The following PIK3C2G variants were observed in gnomAD, a reference collection of about 807,000 sequenced individuals.
PIK3C2G encodes the protein phosphatidylinositol 3-kinase C2 domain-containing subunit gamma.
In PIK3C2G, 168 loss-of-function variants were observed where a neutral mutation model predicts 181.1. The observed-to-expected ratio is 0.93, with a 90% CI of 0.82 to 1.05. The LOEUF (loss-of-function observed/expected upper bound fraction) is 1.05, where lower values mean the gene tolerates loss of function less well. PIK3C2G is among the 50% of genes least tolerant of loss of function. The probability of loss-of-function intolerance (pLI) is 0.00; values close to 1 mark genes in which losing one functional copy is unlikely to be tolerated. For missense variants in PIK3C2G, 1,869 were observed against 1,732.8 expected (o/e 1.08, Z -1.40); for synonymous variants, 573 against 592.2 (o/e 0.97, Z 0.47).
the PIK3C2G span, among the ~76,000 whole-genome samples, chr12:18,670,389 C>T: frequency 6.6e-6 from 1 of 152,034 alleles, no homozygotes; most frequent in African/African-American, 2.4e-5. Context: ...AGAGCTAGAA[C>T]ATAGATATTG....
At chr12:18,581,977 T>C (rs78427583) in intron 29 of PIK3C2G, among the ~76,000 whole-genome samples, 1 of 152,116 alleles carries the variant, frequency 6.6e-6, no homozygotes, top group Admixed American at 6.6e-5. Flanking sequence ...GAGAAAAGCA[T>C]ATTTCAAAGA....
the PIK3C2G span, among the ~76,000 whole-genome samples, chr12:18,698,656 G>A: frequency 6.6e-6 from 1 of 151,728 alleles, no homozygotes; most frequent in Non-Finnish European, 1.5e-5. Context: ...ATTTTTGTGG[G>A]TACATAGATA....
intron 7 of PIK3C2G, among the ~76,000 whole-genome samples, chr12:18,321,331 A>G (rs750158416): frequency 6.6e-6 from 1 of 152,180 alleles, no homozygotes; most frequent in African/African-American, 2.4e-5. Context: ...TTGGGTTTGC[A>G]TATGTCACTT....
At position 18,281,994 on chromosome 12, in the gene PIK3C2G, C is replaced by T. The variant is rs1278446288; in HGVS notation, c.-78-10C>T. 8 of 759,914 alleles carry T rather than the reference C, an allele frequency of 1.1e-5. No homozygotes were observed. The highest frequency in any genetic ancestry group is 1.7e-5 in the Non-Finnish European group (8 of 471,010). 47.1% of individuals were successfully genotyped at this position (759,914 alleles called of 1,614,324 possible). ...TCAATATATTTTCTTTCATTTTATGCTTTTTCTAGGAAAATTTCTATCTTC... is the reference window on the plus strand; with the variant it reads ...TCAATATATTTTCTTTCATTTTATGTTTTTTCTAGGAAAATTTCTATCTTC... On this transcript the variant is annotated splice_polypyrimidine_tract_variant and intron_variant, in intron 1 of 32. Coordinates refer to ENST00000538779, the MANE Select transcript of PIK3C2G (RefSeq NM_001288772.2).
At chr12:18,490,221 G>C (rs562975271) in intron 19 of PIK3C2G, among the ~76,000 whole-genome samples, 12 of 152,166 alleles carry the variant, frequency 7.9e-5, no homozygotes, top group African/African-American at 2.4e-4. Context: ...CACACACAGA[G>C]GGCTGTAATG....
At chr12:18,301,973 T>G (rs1950195228) in intron 5 of PIK3C2G, among the ~76,000 whole-genome samples, 1 of 152,194 alleles carries the variant, frequency 6.6e-6, no homozygotes, top group Admixed American at 6.5e-5. Context: ...TTAGCTGTAA[T>G]CAGCATCAAT....
intron 31 of PIK3C2G, among the ~76,000 whole-genome samples, chr12:18,610,804 AG>A (rs2136604502): frequency 1.5e-5 from 1 of 64,708 alleles, no homozygotes; most frequent in Admixed American, 1.6e-4. Context: ...TAGAATATTA[AG>A]AAATATTAAT....
At chr12:18,306,237 T>A (rs1178542959) in intron 5 of PIK3C2G, among the ~76,000 whole-genome samples, 2 of 151,960 alleles carry the variant, frequency 1.3e-5, no homozygotes, top group Admixed American at 6.6e-5. Flanking sequence ...ATAGAAAGTT[T>A]CAGATCTCCT....
intron 18 of PIK3C2G, among the ~76,000 whole-genome samples, chr12:18,477,363 TAC>T (rs1184911688): frequency 6.6e-6 from 1 of 152,104 alleles, no homozygotes; most frequent in Non-Finnish European, 1.5e-5. Context: ...AAACTGCTTG[TAC>T]AGTTACAGAG....
intron 8 of PIK3C2G, 118 bp downstream of exon 8, chr12:18,325,216 A>C: frequency 1.6e-6 from 1 of 617,740 alleles, no homozygotes; most frequent in Non-Finnish European, 2.9e-6. Context: ...GAGGATCTAC[A>C]CTTGAAAGGC....
At chr12:18,261,043 T>C (rs1489643721), upstream of PIK3C2G, among the ~76,000 whole-genome samples, 1 of 152,054 alleles carries the variant, frequency 6.6e-6, no homozygotes, top group Non-Finnish European at 1.5e-5. Context: ...TAGAAAAAAA[T>C]GAACTTATTA....
At chr12:18,502,522 A>AT (rs1941561958) in intron 22 of PIK3C2G, among the ~76,000 whole-genome samples, 2 of 152,204 alleles carry the variant, frequency 1.3e-5, no homozygotes, top group Admixed American at 6.5e-5. Context: ...TTTTGTAGAC[A>AT]TTATCCCTGA....
chr12:18,255,696 G>A (rs1948139402), intron 1 of PIK3C2G, among the ~76,000 whole-genome samples: 1 of 152,176 alleles, frequency 6.6e-6, no homozygotes, highest in Admixed American at 6.5e-5. Context: ...ACATCTAGTT[G>A]AAAGAAAGGC....
At chr12:18,594,284 T>C (rs1210187131) in intron 29 of PIK3C2G, among the ~76,000 whole-genome samples, 1 of 152,054 alleles carries the variant, frequency 6.6e-6, no homozygotes, top group East Asian at 1.9e-4. Flanking sequence ...GAAAGTAATC[T>C]GACCTTCAGT....
chr12:18,414,132 A>G (rs1945032047), intron 16 of PIK3C2G, among the ~76,000 whole-genome samples: 1 of 152,152 alleles, frequency 6.6e-6, no homozygotes, highest in Admixed American at 6.6e-5. Flanking sequence ...TAAGGCAACT[A>G]AAAAGTAGAA....
At chr12:18,360,927 T>G (rs567692427) in intron 11 of PIK3C2G, among the ~76,000 whole-genome samples, 16 of 152,138 alleles carry the variant, frequency 1.1e-4, no homozygotes, top group Non-Finnish European at 5.9e-5. Flanking sequence ...ATTTAGGAAG[T>G]TTTTCACCAT....
chr12:18,526,267 A>G (rs1039404299), intron 24 of PIK3C2G, among the ~76,000 whole-genome samples: 18 of 152,132 alleles, frequency 1.2e-4, no homozygotes, highest in African/African-American at 4.3e-4. Context: ...TTTAATTACT[A>G]CCTTAGTTTT....
chr12:18,319,808 C>A (rs1007985222), intron 6 of PIK3C2G, among the ~76,000 whole-genome samples: 2 of 152,034 alleles, frequency 1.3e-5, no homozygotes, highest in Non-Finnish European at 2.9e-5. Flanking sequence ...TACAGTTTAG[C>A]TTTCTCTGTC....
intron 32 of PIK3C2G, among the ~76,000 whole-genome samples, chr12:18,647,325 T>C (rs1046197385): frequency 6.6e-6 from 1 of 151,242 alleles, no homozygotes; most frequent in African/African-American, 2.4e-5. Flanking sequence ...AGACCAAGGG[T>C]AGAAAAACTA....
Sources: gnomAD v4.1 joint callset for allele counts (sites outside exome capture counted in the v4.1 genomes callset) on GRCh38, gnomAD v4.1.1 for gene constraint, MANE v1.5 for transcripts, NCBI Gene and HGNC (gene_info 2026-07-23, HGNC 2026-07-21) for gene names.